The following GRM5 variants were observed in gnomAD, a reference collection of about 807,000 sequenced individuals.
GRM5 encodes the protein metabotropic glutamate receptor 5.
GRM5 carries 19 observed loss-of-function variants against 83.1 expected under a neutral mutation model. The ratio of observed to expected loss-of-function variants is 0.23; its 90% CI spans 0.16 to 0.34. The LOEUF is 0.34. Ranked by LOEUF, GRM5 falls within the 10% of genes least tolerant of loss-of-function variation. The pLI is 1.00. For synonymous variants in GRM5, 675 were observed against 633.6 expected (o/e 1.07, Z -0.98); for missense variants, 1,160 against 1,588.3 (o/e 0.73, Z 4.58).
rs1336066990 is a variant in GRM5, at chr11:88,525,336, C to T, written c.2699G>A (p.Gly900Glu). Residue 900 changes from glycine to glutamate, a missense_variant, in exon 9 of 10, where the codon GGG (glycine) becomes GAG (glutamate). Gly to Glu is a moderately conservative substitution (Grantham distance 98, BLOSUM62 -2). Transcript: ENST00000305447. Reference protein sequence around the residue: ...IECFTPKGSMGNGGRATMSSS... With the variant: ...IECFTPKGSMENGGRATMSSS... ...GCTCATTGTTGCTCTCCCACCATTC[C>T]CCATACTCCCTTTGGGGGTGAAACA... 2 of 1,610,174 alleles carry T rather than the reference C, an allele frequency of 1.2e-6. No individual in the cohort carries two copies. Among genetic ancestry groups the T allele is most frequent in the African/African-American group, 1.3e-5 (1 of 74,830 alleles).
intron 4 of GRM5, among the ~76,000 whole-genome samples, chr11:88,650,283 T>A (rs890406549): frequency 6.6e-6 from 1 of 151,950 alleles, no homozygotes; most frequent in Non-Finnish European, 1.5e-5. Context: ...AAACTTCTGT[T>A]TTGTCAATTT....
intron 3 of GRM5, among the ~76,000 whole-genome samples, chr11:88,746,614 A>C (rs993718311): frequency 2.0e-5 from 3 of 152,044 alleles, no homozygotes; most frequent in Non-Finnish European, 4.4e-5. Flanking sequence ...TTTCCAATAT[A>C]CGAGCTGATT....
intron 3 of GRM5, among the ~76,000 whole-genome samples, chr11:88,799,745 AGTTCTACGAT>A (rs746992509): frequency 3.3e-4 from 51 of 152,280 alleles, no homozygotes; most frequent in Non-Finnish European, 8.8e-5. Context: ...TGGTCACAGC[AGTTCTACGAT>A]AATAAAAGTC....
At chr11:88,649,708 T>G (rs1175136058) in intron 4 of GRM5, among the ~76,000 whole-genome samples, 1 of 151,038 alleles carries the variant, frequency 6.6e-6, no homozygotes, top group Non-Finnish European at 1.5e-5. Context: ...CTATACTCAG[T>G]GAAAATATCT....
In GRM5 at chr11:88,509,289, C is replaced by T; in HGVS notation, c.2942G>A (p.Gly981Asp). 6.7e-7 allele frequency: 1 copy of T among 1,486,926 alleles called. No individual in the cohort carries two copies. 92.1% of individuals were successfully genotyped at this position (1,486,926 alleles called of 1,614,324 possible). ...AGGVGATGGAGCAGAGPGGPE... is the reference protein window; with the variant it reads ...AGGVGATGGADCAGAGPGGPE... Reference sequence around the variant, plus strand: ...CCCGCCTGGGCCGGCGCCTGCGCAGCCCGCACCGCCCGTGGCCCCCACGCC... The same window carrying T: ...CCCGCCTGGGCCGGCGCCTGCGCAGTCCGCACCGCCCGTGGCCCCCACGCC... The change falls in exon 10 of 10, where the codon GGC becomes GAC. Residue 981 changes from glycine to aspartate, a missense_variant. Around this residue, in one of 9 missense-constraint regions of GRM5, gnomAD observed 562 missense variants for 532.4 expected, o/e 1.06. Coordinates refer to ENST00000305447, the MANE Select transcript of GRM5 (RefSeq NM_001143831.3).
At chr11:89,057,824 CTTAT>C (rs1489249002) in intron 1 of GRM5, among the ~76,000 whole-genome samples, 2 of 152,106 alleles carry the variant, frequency 1.3e-5, no homozygotes, top group African/African-American at 4.8e-5. Context: ...TCTCCACTTA[CTTAT>C]TAATACATAA....
chr11:88,524,190 T>TTCTTTCTTTCTTTCTTTC (rs1270146691), intron 9 of GRM5: 4 of 112,972 alleles, frequency 3.5e-5, no homozygotes, highest in African/African-American at 7.5e-5. Context: ...TCTTTTTTCT[T>TTCTTTCTTTCTTTCTTTC]TTTCTTTCTT....
chr11:88,675,737 C>A (rs1452036737), intron 3 of GRM5, among the ~76,000 whole-genome samples: 1 of 151,998 alleles, frequency 6.6e-6, no homozygotes, highest in Non-Finnish European at 1.5e-5. Context: ...TCCGTCACGT[C>A]ATCCTAACCC....
intron 6 of GRM5, among the ~76,000 whole-genome samples, chr11:88,596,544 T>C (rs559320317): frequency 5.9e-5 from 9 of 152,274 alleles, no homozygotes; most frequent in African/African-American, 1.7e-4. Context: ...TATTCACTTG[T>C]TTCTGGACAG....
chr11:89,047,941 C>A lies in GRM5; in HGVS notation c.-69G>T. 2.6e-6 allele frequency: 3 copies of A among 1,167,204 alleles called. No homozygotes were observed. The highest frequency in any genetic ancestry group is 3.8e-6 in the Non-Finnish European group (3 of 795,056). The allele number at this position is 1,167,204 out of a possible 1,614,324, so 72.3% of individuals were successfully genotyped here. On this transcript the variant is annotated 5_prime_UTR_variant, in exon 2 of 10. Coordinates refer to ENST00000305447, the MANE Select transcript of GRM5 (RefSeq NM_001143831.3). The surrounding 1 kb of genome is among the most constrained non-coding windows in gnomAD (Gnocchi z 5.1). ...AAATTCAGGAGGGTTCTGATAGCTACGAACAAGCGATGTCCTACGTTGAGT... is the reference window on the plus strand; with the variant it reads ...AAATTCAGGAGGGTTCTGATAGCTAAGAACAAGCGATGTCCTACGTTGAGT...
At chr11:88,895,592 T>A (rs540450529) in intron 2 of GRM5, among the ~76,000 whole-genome samples, 48 of 151,984 alleles carry the variant, frequency 3.2e-4, no homozygotes, top group South Asian at 6.2e-4. Flanking sequence ...GTATTCATTA[T>A]TTTTCCCCAC....
At chr11:88,936,422 A>G (rs1378237974) in intron 2 of GRM5, among the ~76,000 whole-genome samples, 1 of 151,940 alleles carries the variant, frequency 6.6e-6, no homozygotes, top group Non-Finnish European at 1.5e-5. Context: ...GGCCAATACC[A>G]GTAAGATTTA....
At chr11:88,644,880 G>A (rs117081929) in intron 4 of GRM5, among the ~76,000 whole-genome samples, 1,743 of 152,152 alleles carry the variant, frequency 0.011, 32 homozygotes, top group African/African-American at 0.038. Flanking sequence ...GTACAGGAGA[G>A]CACTGTGGGG....
At position 88,509,083 on chromosome 11, in the gene GRM5, T is replaced by C; in HGVS notation, c.3148A>G (p.Ser1050Gly). 1 of 1,551,018 alleles carries C rather than the reference T, an allele frequency of 6.4e-7. No individual in the cohort carries two copies. Among genetic ancestry groups the C allele is most frequent in the Non-Finnish European group, 8.7e-7 (1 of 1,147,644 alleles). ...ATGAGGGAGCCCTGCGAGGAGCTGC[T>C]GCGCGCCACAGGCTCCGAGTGCAGC... ...PSLHSEPVAR[S>G]SSSQGSLMEQ... Residue 1050 changes from serine (S) to glycine (G), a missense_variant, in exon 10 of 10, where the codon AGC becomes GGC. Coordinates refer to ENST00000305447, the MANE Select transcript of GRM5 (RefSeq NM_001143831.3).
At position 88,733,319 on chromosome 11, in the gene GRM5, CTGTT is replaced by C. The variant is rs1213696772; in HGVS notation, c.912-79920_912-79917del. Among the ~76,000 whole-genome samples the C allele has an allele frequency of 4.6e-5, 7 of 152,028 alleles. No homozygotes were observed. In the East Asian group the frequency reaches 1.4e-3, roughly 29 times the overall value. On this transcript the variant is annotated intron_variant, in intron 3 of 9. Transcript: ENST00000305447. ...CTTAAAATATATATCATCCTCTAAT[CTGTT>C]TGGGAAGGTTCTGGAAATCCTGATA... is the stretch of plus-strand genomic sequence containing the variant.
intron 2 of GRM5, among the ~76,000 whole-genome samples, chr11:89,016,119 T>C (rs889944638): frequency 1.3e-4 from 20 of 151,668 alleles, no homozygotes; most frequent in African/African-American, 4.4e-4. Context: ...CTTTCTAGTG[T>C]TAAGGTAAAA....
chr11:88,938,186 GT>G (rs1344622000), intron 2 of GRM5, among the ~76,000 whole-genome samples: 7 of 151,758 alleles, frequency 4.6e-5, no homozygotes, highest in African/African-American at 1.2e-4. Context: ...AATTTTATTT[GT>G]CAGTTGTATG....
intron 2 of GRM5, among the ~76,000 whole-genome samples, chr11:89,002,393 T>C (rs1476951088): frequency 6.6e-6 from 1 of 152,142 alleles, no homozygotes; most frequent in Non-Finnish European, 1.5e-5. Flanking sequence ...AGAATCCTGT[T>C]TGGGAGCTCT....
chr11:88,675,006 T>G (rs1019184675), intron 3 of GRM5, among the ~76,000 whole-genome samples: 1 of 151,960 alleles, frequency 6.6e-6, no homozygotes, highest in African/African-American at 2.4e-5. Flanking sequence ...GCCTGCAAGA[T>G]ATCACATTTT....
Sources: allele counts gnomAD v4.1 joint callset (sites outside exome capture counted in the v4.1 genomes callset), GRCh38; gene constraint gnomAD v4.1.1; regional missense constraint gnomAD v4.1.1; non-coding constraint Gnocchi (gnomAD v3.1); transcripts MANE v1.5; gene names NCBI Gene and HGNC (gene_info 2026-07-23, HGNC 2026-07-21).